The following ASAP1 variants were observed in gnomAD, a reference collection of about 807,000 sequenced individuals.
ASAP1 encodes arf-GAP with SH3 domain, ANK repeat and PH domain-containing protein 1.
In ASAP1, 43 loss-of-function variants were observed where a neutral mutation model predicts 145.2. The observed-to-expected ratio is 0.30, with a 90% CI of 0.23 to 0.38. The LOEUF is 0.38. Among genes scored for constraint, ASAP1 ranks in the 10% least tolerant of loss-of-function variants. ASAP1 has a pLI of 1.00. For missense variants in ASAP1, 1,018 were observed against 1,355.3 expected (o/e 0.75, Z 3.91); for synonymous variants, 546 against 515.5 (o/e 1.06, Z -0.80).
chr8:130,432,514 T>G (rs954158821), intron 1 of ASAP1, among the ~76,000 whole-genome samples: 3 of 152,310 alleles, frequency 2.0e-5, no homozygotes, highest in African/African-American at 7.2e-5. Flanking sequence ...CATCCCACTG[T>G]GCATTCATTA....
At chr8:130,230,534 TATTAAAATAATG>T (rs1159638658) in intron 4 of ASAP1, among the ~76,000 whole-genome samples, 2 of 152,104 alleles carry the variant, frequency 1.3e-5, no homozygotes, top group Admixed American at 6.5e-5. Flanking sequence ...GACCCTTCAT[TATTAAAATAATG>T]AAGGAACTCA....
In ASAP1 at chr8:130,312,205, AG is replaced by A. The variant is rs918478351; in HGVS notation, c.186+45811del. Among the ~76,000 whole-genome samples, 22 of 151,142 alleles carry A rather than the reference AG, an allele frequency of 1.5e-4. 1 individual carries two copies. Among genetic ancestry groups the A allele is most frequent in the Admixed American group, 1.3e-3 (20 of 15,146 alleles). On this transcript the variant is annotated intron_variant, in intron 3 of 29. Coordinates refer to ENST00000518721, the MANE Select transcript of ASAP1 (RefSeq NM_018482.4). Reference sequence around the variant, plus strand: ...GGTGGGAGAATCACTTGAGCCTGGGAGGTCGACGCTGTAGTGAGCTGTGATC... The same window carrying A: ...GGTGGGAGAATCACTTGAGCCTGGGAGTCGACGCTGTAGTGAGCTGTGATC...
At chr8:130,153,256 G>C (rs1444222916) in intron 12 of ASAP1, among the ~76,000 whole-genome samples, 3 of 149,440 alleles carry the variant, frequency 2.0e-5, no homozygotes, top group African/African-American at 7.4e-5. Context: ...CTGACCTCAT[G>C]ATCCACCAGC....
chr8:130,421,062 G>A (rs541515103), intron 1 of ASAP1, among the ~76,000 whole-genome samples: 6 of 152,214 alleles, frequency 3.9e-5, no homozygotes, highest in East Asian at 1.9e-4. Context: ...TGTTGGACCC[G>A]AATCTCAGCT....
At chr8:130,149,008 TGCA>T (rs1442647880) in intron 13 of ASAP1, among the ~76,000 whole-genome samples, 1 of 148,412 alleles carries the variant, frequency 6.7e-6, no homozygotes, top group Non-Finnish European at 1.5e-5. Context: ...AGCTAATTTT[TGCA>T]TTTTTTTTTT....
intron 2 of ASAP1, chr8:130,361,893 G>T (rs1337711306): frequency 1.1e-5 from 8 of 711,748 alleles, no homozygotes; most frequent in African/African-American, 1.7e-5. Context: ...ACACATATTT[G>T]TGTGCACCTG....
At chr8:130,351,108 T>A (rs1221098732) in intron 3 of ASAP1, among the ~76,000 whole-genome samples, 2 of 152,192 alleles carry the variant, frequency 1.3e-5, no homozygotes, top group South Asian at 4.1e-4. Flanking sequence ...TTTTCTTCCC[T>A]CTCCCAAACT....
chr8:130,185,560 C>T (rs1398566819), intron 7 of ASAP1, among the ~76,000 whole-genome samples: 2 of 151,926 alleles, frequency 1.3e-5, no homozygotes, highest in East Asian at 3.9e-4. Flanking sequence ...AACTCCGTCT[C>T]TACTAAAAAT....
At chr8:130,276,728 A>ACACACTCTCTCTCT (rs548512902) in intron 3 of ASAP1, among the ~76,000 whole-genome samples, 1,191 of 87,264 alleles carry the variant, frequency 0.014, 17 homozygotes, top group East Asian at 0.068. Context: ...ACACACACAC[A>ACACACTCTCTCTCT]CTCTCTCTCT....
chr8:130,054,885 C>T (rs2097400288), intron 29 of ASAP1, 80 bp from the exon 30 acceptor site: 2 of 1,103,308 alleles, frequency 1.8e-6, no homozygotes, highest in African/African-American at 1.5e-5. Context: ...AAGAGCCCAG[C>T]CTAGTCTGCC....
intron 27 of ASAP1, among the ~76,000 whole-genome samples, chr8:130,061,485 A>G (rs1039407249): frequency 6.6e-6 from 1 of 152,192 alleles, no homozygotes; most frequent in South Asian, 2.1e-4. Context: ...CCATTTTAGC[A>G]ACAGTATTTG....
At chr8:130,216,820 C>G (rs926491320) in intron 4 of ASAP1, among the ~76,000 whole-genome samples, 1 of 152,194 alleles carries the variant, frequency 6.6e-6, no homozygotes, top group Non-Finnish European at 1.5e-5. Flanking sequence ...AAACCAAACT[C>G]TTGATCTTCT....
Position 130,152,800 on chromosome 8 carries a change from C to T in ASAP1, c.1016G>A (p.Arg339Gln). 3 of 1,607,712 alleles carry T rather than the reference C, an allele frequency of 1.9e-6. No homozygotes were observed. Among genetic ancestry groups the T allele is most frequent in the Non-Finnish European group, 2.6e-6 (3 of 1,175,458 alleles). Residue 339 changes from arginine (R) to glutamine (Q), a missense_variant, in exon 13 of 30, where the codon CGG (arginine) becomes CAG (glutamine). Arg to Gln is a conservative substitution (Grantham distance 43). Coordinates refer to ENST00000518721, the MANE Select transcript of ASAP1 (RefSeq NM_018482.4). The stretch of plus-strand genomic sequence containing the variant: ...ACACTTCCTCCTCTGCCATACTTTC[C>T]GGATCCTAAGGAGGAAGTCAAACAC... The part of the protein sequence containing the change: ...GYLLKKSDGI[R>Q]KVWQRRKCSV...
At chr8:130,310,793 A>T (rs1823294864) in intron 3 of ASAP1, among the ~76,000 whole-genome samples, 1 of 152,148 alleles carries the variant, frequency 6.6e-6, no homozygotes, top group Non-Finnish European at 1.5e-5. Flanking sequence ...TTGACAGAAA[A>T]TTTTCTGAAT....
intron 2 of ASAP1, among the ~76,000 whole-genome samples, chr8:130,393,507 G>A (rs1430076647): frequency 6.6e-6 from 1 of 152,214 alleles, no homozygotes; most frequent in East Asian, 1.9e-4. Flanking sequence ...TGTAGTCCCA[G>A]CACTTTGGGA....
chr8:130,223,764 A>G (rs1817431488), intron 4 of ASAP1, among the ~76,000 whole-genome samples: 2 of 152,068 alleles, frequency 1.3e-5, no homozygotes, highest in East Asian at 1.9e-4. Flanking sequence ...TTAATTTCCC[A>G]TACTCTTTCC....
intron 3 of ASAP1, among the ~76,000 whole-genome samples, chr8:130,278,652 C>T (rs1396677693): frequency 2.0e-5 from 3 of 152,084 alleles, no homozygotes; most frequent in Admixed American, 6.5e-5. Flanking sequence ...ATAAAACAGT[C>T]GAGAGACATT....
chr8:130,354,295 G>A (rs2138088764), intron 3 of ASAP1, among the ~76,000 whole-genome samples: 1 of 152,272 alleles, frequency 6.6e-6, no homozygotes, highest in South Asian at 2.1e-4. Context: ...AAATGGAAAC[G>A]ATAAATGTTC....
In ASAP1 at chr8:130,383,858, C is replaced by T. The variant is rs141558062; in HGVS notation, c.59+18027G>A. Reference sequence around the variant, plus strand: ...GACACCTAACTGATACAGAAGAGCACCAGCCCATTTCTCCCACAGAGGTGA... The same window carrying T: ...GACACCTAACTGATACAGAAGAGCATCAGCCCATTTCTCCCACAGAGGTGA... On this transcript the variant is annotated intron_variant, in intron 2 of 29. Transcript: ENST00000518721. 1.2e-4 allele frequency among the ~76,000 whole-genome samples: 19 copies of T among 152,246 alleles called. No homozygotes were observed. In the East Asian group the frequency reaches 3.5e-3, roughly 28 times the overall value.
Sources: allele counts gnomAD v4.1 joint callset (sites outside exome capture counted in the v4.1 genomes callset), GRCh38; gene constraint gnomAD v4.1.1; transcripts MANE v1.5; gene names NCBI Gene and HGNC (gene_info 2026-07-23, HGNC 2026-07-21).